Variants in ELL3 observed in about 807,000 individuals in gnomAD.
The protein encoded by ELL3 is elongation factor for RNA polymerase II 3, also known as RNA polymerase II elongation factor ELL3.
Under a neutral mutation model 58.5 loss-of-function variants are expected in ELL3, and 48 were observed. That is an observed-to-expected ratio of 0.82 (90% CI 0.65 to 1.04). The LOEUF (loss-of-function observed/expected upper bound fraction) is 1.04, where lower values mean the gene tolerates loss of function less well. Among genes scored for constraint, ELL3 ranks in the 50% least tolerant of loss-of-function variants. The probability of loss-of-function intolerance (pLI) is 0.00; values close to 1 mark genes in which losing one functional copy is unlikely to be tolerated. For missense variants in ELL3, 458 were observed against 478.4 expected (o/e 0.96, Z 0.40); for synonymous variants, 174 against 173.2 (o/e 1.00, Z -0.04).
At chr15:43,774,408 A>T in intron 8 of ELL3, 55 bp from the exon 9 acceptor site, 3 of 1,613,648 alleles carry the variant, frequency 1.9e-6, no homozygotes, top group Non-Finnish European at 2.5e-6. Flanking sequence ...AAAAGCCCCC[A>T]GCTTCCAGGA....
In ELL3 at chr15:43,775,300, A is replaced by T; in HGVS notation, c.645+6T>A. On this transcript the variant is annotated splice_donor_region_variant and intron_variant, in intron 6 of 10. Transcript: ENST00000319359. ...CAAAAAAAAAGCCCTTGCCATTCTA[A>T]CTTACCTTGTCCAGACGTTTCCGGC... is the stretch of plus-strand genomic sequence containing the variant. The T allele has an allele frequency of 2.5e-6, 4 of 1,596,568 alleles. No individual in the cohort carries two copies. The highest frequency in any genetic ancestry group is 3.4e-6 in the Non-Finnish European group (4 of 1,171,718).
intron 2 of ELL3, 101 bp from the exon 3 acceptor site, chr15:43,776,252 G>A: frequency 8.3e-7 from 1 of 1,202,290 alleles, no homozygotes; most frequent in Non-Finnish European, 1.2e-6. Flanking sequence ...ACTAAGACGG[G>A]TCCCACAGGG....
chr15:43,774,037 T>C, intron 9 of ELL3, 145 bp downstream of exon 9: 1 of 1,011,266 alleles, frequency 9.9e-7, no homozygotes, highest in Non-Finnish European at 1.4e-6. Context: ...CTTCTCATTC[T>C]ACCAAATGAT....
chr15:43,773,407 G>T, intron 9 of ELL3, 59 bp from the exon 10 acceptor site: 16 of 1,592,476 alleles, frequency 1.0e-5, no homozygotes, highest in Non-Finnish European at 1.4e-5. Flanking sequence ...GGGGCGGCCA[G>T]GCATGGTGGC....
intron 8 of ELL3, 61 bp from the exon 9 acceptor site, chr15:43,774,414 C>T: frequency 1.9e-6 from 3 of 1,613,574 alleles, no homozygotes; most frequent in Non-Finnish European, 1.7e-6. Flanking sequence ...CCCCAGCTTC[C>T]AGGAAGTGTA....
chr15:43,776,571 T>C, intron 1 of ELL3, 27 bp from the exon 2 acceptor site: 1 of 1,563,674 alleles, frequency 6.4e-7, no homozygotes, highest in East Asian at 2.4e-5. Context: ...GATGTGACCG[T>C]TGAGCGCAGG....
rs1471715872 is a variant in ELL3, at chr15:43,773,192, C to T, written c.1118G>A (p.Cys373Tyr). 6.2e-7 allele frequency: 1 copy of T among 1,614,042 alleles called. No homozygotes were observed. The highest frequency in any genetic ancestry group is 8.5e-7 in the Non-Finnish European group (1 of 1,179,988). The change falls in exon 11 of 11, where the codon TGT becomes TAT. Residue 373 changes from cysteine to tyrosine, a missense_variant. Transcript: ENST00000319359. The part of the protein sequence containing the change: ...YPSYREEKRR[C>Y]EYLHQKLSHI... Reference sequence around the variant, plus strand: ...GGACAATTTCTGGTGAAGGTACTCACAGCGACGCTTTTCTTCTCTGTAACT... The same window carrying T: ...GGACAATTTCTGGTGAAGGTACTCATAGCGACGCTTTTCTTCTCTGTAACT...
chr15:43,776,905 G>T lies in ELL3; in HGVS notation c.-4C>A, dbSNP rs751628467. On this transcript the variant is annotated 5_prime_UTR_variant, in exon 1 of 11. Coordinates refer to ENST00000319359, the MANE Select transcript of ELL3 (RefSeq NM_025165.3). The stretch of plus-strand genomic sequence containing the variant: ...GAGGCTCCTGGAGCTCCTCCATGGC[G>T]ACGAGTTCGAGTGCAAGCAGCACGG... 3 of 1,609,884 alleles carry T rather than the reference G, an allele frequency of 1.9e-6. No homozygotes were observed. The highest frequency in any genetic ancestry group is 1.1e-5 in the South Asian group (1 of 90,890).
chr15:43,774,804 C>T (rs368317551), intron 6 of ELL3, 31 bp from the exon 7 acceptor site: 6 of 1,557,990 alleles, frequency 3.9e-6, no homozygotes, highest in Admixed American at 2.1e-5. Context: ...GTGACATAAA[C>T]AGCCAAGAGC....
Position 43,773,125 on chromosome 15 carries a change from C to T in ELL3, c.1185G>A (p.Arg395=), listed in dbSNP as rs1329078002. 1 of 1,607,414 alleles carries T rather than the reference C, an allele frequency of 6.2e-7. No homozygotes were observed. Among genetic ancestry groups the T allele is most frequent in the Admixed American group, 1.7e-5 (1 of 57,910 alleles). ...GLILEFEEKN[R]GS is the part of the protein sequence containing the mutation. The stretch of plus-strand genomic sequence containing the variant: ...AATTCCCTTGATAACTTCAGCTGCC[C>T]CTGTTCTTTTCCTCAAACTCCAGGA... Residue 395 remains arginine (R), a synonymous_variant, in exon 11 of 11, where the codon AGG becomes AGA. Transcript: ENST00000319359.
In ELL3 at chr15:43,773,043, T is replaced by C; in HGVS notation, c.*73A>G. 1 of 1,355,462 alleles carries C rather than the reference T, an allele frequency of 7.4e-7. No individual in the cohort carries two copies. The highest frequency in any genetic ancestry group is 1.0e-6 in the Non-Finnish European group (1 of 985,754). 84.0% of individuals were successfully genotyped at this position (1,355,462 alleles called of 1,614,324 possible). A position where few individuals can be genotyped will look rare whatever the true frequency, so the allele number is the denominator to read the frequency against. On this transcript the variant is annotated 3_prime_UTR_variant, in exon 11 of 11. Transcript: ENST00000319359. ...AGCATAAGAAAAGCAGATAGTTGCA[T>C]TCTATTTAGTTTATAGCTGCTTTGT...
intron 6 of ELL3, 39 bp downstream of exon 6, chr15:43,775,267 T>C (rs764566562): frequency 6.5e-7 from 1 of 1,545,236 alleles, no homozygotes; most frequent in Admixed American, 2.1e-5. Context: ...TTAATTATAT[T>C]AATGTTACAA....
intron 8 of ELL3, 52 bp from the exon 9 acceptor site, chr15:43,774,405 C>T: frequency 6.2e-7 from 1 of 1,613,672 alleles, no homozygotes; most frequent in Non-Finnish European, 8.5e-7. Flanking sequence ...CTGAAAAGCC[C>T]CCAGCTTCCA....
At chr15:43,774,036 C>G (rs2086897125) in intron 9 of ELL3, 146 bp downstream of exon 9, 2 of 1,010,858 alleles carry the variant, frequency 2.0e-6, no homozygotes, top group Non-Finnish European at 2.8e-6. Flanking sequence ...CCTTCTCATT[C>G]TACCAAATGA....
Position 43,774,357 on chromosome 15 carries a change from C to T in ELL3, c.867-4G>A. On this transcript the variant is annotated splice_polypyrimidine_tract_variant and splice_region_variant and intron_variant, in intron 8 of 10. Coordinates refer to ENST00000319359, the MANE Select transcript of ELL3 (RefSeq NM_025165.3). ...ACTGTGGATGGCCCTGTATTGCCTGCCAGGAGCAGAGAGTTGTCACCTTCA... is the reference window on the plus strand; with the variant it reads ...ACTGTGGATGGCCCTGTATTGCCTGTCAGGAGCAGAGAGTTGTCACCTTCA... 2 of 1,613,968 alleles carry T rather than the reference C, an allele frequency of 1.2e-6. No homozygotes were observed. Among genetic ancestry groups the T allele is most frequent in the Non-Finnish European group, 1.7e-6 (2 of 1,179,878 alleles).
intron 10 of ELL3, 39 bp from the exon 11 acceptor site, chr15:43,773,265 C>A: frequency 6.2e-7 from 1 of 1,613,812 alleles, no homozygotes; most frequent in Non-Finnish European, 8.5e-7. Context: ...AGTAAAAATT[C>A]TCATTCTACC....
In ELL3 at chr15:43,773,128, G is replaced by A; in HGVS notation, c.1182C>T (p.Asn394=). The change falls in exon 11 of 11, where the codon AAC becomes AAT. Residue 394 remains asparagine, a synonymous_variant. Transcript: ENST00000319359. Reference sequence around the variant, plus strand: ...TCCCTTGATAACTTCAGCTGCCCCTGTTCTTTTCCTCAAACTCCAGGATGA... The same window carrying A: ...TCCCTTGATAACTTCAGCTGCCCCTATTCTTTTCCTCAAACTCCAGGATGA... ...KGLILEFEEK[N]RGS is the part of the protein sequence containing the mutation. 1.9e-6 allele frequency: 3 copies of A among 1,608,230 alleles called. No individual in the cohort carries two copies. Among genetic ancestry groups the A allele is most frequent in the South Asian group, 1.1e-5 (1 of 90,130 alleles).
Position 43,775,714 on chromosome 15 carries a change from TCACC to T in ELL3, c.483+4_483+7del. On this transcript the variant is annotated splice_donor_5th_base_variant and intron_variant, in intron 4 of 10. Coordinates refer to ENST00000319359, the MANE Select transcript of ELL3 (RefSeq NM_025165.3). The stretch of plus-strand genomic sequence containing the variant: ...TCACAACTCCCTGCAATTTCTGGCC[TCACC>T]CACCTCCTCTAGTGCCATCTGTGGC... 6.2e-7 allele frequency: 1 copy of T among 1,614,176 alleles called. No homozygotes were observed. Among genetic ancestry groups the T allele is most frequent in the African/African-American group, 1.3e-5 (1 of 75,048 alleles).
At chr15:43,775,502 T>G in intron 5 of ELL3, 23 bp downstream of exon 5, 4 of 1,613,866 alleles carry the variant, frequency 2.5e-6, no homozygotes, top group Non-Finnish European at 3.4e-6. Flanking sequence ...CTTCCCATGT[T>G]AGTCCCACCC....
Sources: gnomAD v4.1 joint callset for allele counts on GRCh38, gnomAD v4.1.1 for gene constraint, MANE v1.5 for transcripts, NCBI Gene and HGNC (gene_info 2026-07-23, HGNC 2026-07-21) for gene names.